NDUFAF6: variants seen among roughly 807,000 people sequenced by gnomAD.
NDUFAF6 encodes the protein NADH:ubiquinone oxidoreductase complex assembly factor 6.
A neutral mutation model predicts 40.8 loss-of-function variants in NDUFAF6; 45 were observed. That is an observed-to-expected ratio of 1.10 (90% confidence interval 0.87 to 1.42). NDUFAF6 has a LOEUF of 1.42. Ranked by LOEUF, NDUFAF6 falls within the 40% of genes most tolerant of loss-of-function variation. The pLI, the probability that NDUFAF6 is intolerant of heterozygous loss-of-function variation, is 0.00. For synonymous variants in NDUFAF6, 185 were observed against 155.9 expected, an observed-to-expected ratio of 1.19 and a Z score of -1.39; for missense variants, 435 against 418.5, an observed-to-expected ratio of 1.04 and a Z score of -0.34.
chr8:95,005,552 T>TAA (rs869215515), intron 2 of NDUFAF6, among the ~76,000 whole-genome samples: 1 of 112,204 alleles, frequency 8.9e-6, no homozygotes, highest in African/African-American at 3.2e-5. Context: ...TATATATATA[T>TAA]AAAAAATATA....
intron 2 of NDUFAF6, among the ~76,000 whole-genome samples, chr8:94,948,483 A>G (rs1822213914): frequency 6.6e-6 from 1 of 152,236 alleles, no homozygotes; most frequent in Non-Finnish European, 1.5e-5. Context: ...AAAGTCAGGT[A>G]GCGAAGACTG....
chr8:94,899,056 AG>A (rs564273679), intron 1 of NDUFAF6, among the ~76,000 whole-genome samples: 207 of 152,334 alleles, frequency 1.4e-3, no homozygotes, highest in African/African-American at 4.8e-3. Context: ...ACATACATAA[AG>A]GAAAAAAAAT....
chr8:95,077,457 G>A (rs926035376), downstream of NDUFAF6, among the ~76,000 whole-genome samples: 1 of 152,192 alleles, frequency 6.6e-6, no homozygotes, highest in Non-Finnish European at 1.5e-5. Context: ...AAGTGACTAA[G>A]GGATAGGAAC....
chr8:94,928,107 A>G (rs1820058680), intron 1 of NDUFAF6: 1 of 152,246 alleles, frequency 6.6e-6, no homozygotes, highest in Non-Finnish European at 1.5e-5. Context: ...CAGAAACCAC[A>G]GTATGATATT....
chr8:94,988,906 T>C (rs1431003440), intron 2 of NDUFAF6: 1 of 152,248 alleles, frequency 6.6e-6, no homozygotes, highest in African/African-American at 2.4e-5. Context: ...TTAAAGACAT[T>C]ATGCTAAGTG....
chr8:94,949,699 A>C (rs1822398730), intron 2 of NDUFAF6, among the ~76,000 whole-genome samples: 1 of 152,080 alleles, frequency 6.6e-6, no homozygotes, highest in Non-Finnish European at 1.5e-5. Flanking sequence ...CGGGCGAGGA[A>C]GAACCGGCGG....
intron 3 of NDUFAF6, among the ~76,000 whole-genome samples, chr8:95,037,017 A>G (rs1563813137): frequency 6.6e-6 from 1 of 152,208 alleles, no homozygotes; most frequent in Non-Finnish European, 1.5e-5. Context: ...AGGAGATTAA[A>G]TAGAGGGAAC....
At chr8:94,930,664 T>C in intron 1 of NDUFAF6, 1 of 1,614,228 alleles carries the variant, frequency 6.2e-7, no homozygotes, top group Non-Finnish European at 8.5e-7. Context: ...AGAAAAGTTG[T>C]ATGAGCAGCA....
chr8:95,039,852 A>G (rs1050748614), intron 3 of NDUFAF6, among the ~76,000 whole-genome samples: 1 of 151,770 alleles, frequency 6.6e-6, no homozygotes, highest in African/African-American at 2.4e-5. Context: ...GAACTCCTGA[A>G]CTCCTGAACT....
Position 95,090,600 on chromosome 8 carries a change from G to A in NDUFAF6, n.214-10532G>A, listed in dbSNP as rs149855005. Among the ~76,000 whole-genome samples, 1,168 of 152,210 alleles carry A rather than the reference G, an allele frequency of 7.7e-3. 8 individuals carry two copies. Among genetic ancestry groups the A allele is most frequent in the Admixed American group, 0.013 (192 of 15,264 alleles). On this transcript the variant is annotated intron_variant and non_coding_transcript_variant, in intron 2 of 5. Transcript: ENST00000523184. ...TGTCTTCTCCCCGCCGTTTCTTACT[G>A]TCCCATCTTGTTGATTGTTTAATAC...
chr8:95,091,621 A>C (rs1195680485), intron 2 of NDUFAF6, among the ~76,000 whole-genome samples: 1 of 151,630 alleles, frequency 6.6e-6, no homozygotes. Flanking sequence ...CAAGCAGAAG[A>C]AAATAACTCA....
intron 5 of NDUFAF6, 114 bp downstream of exon 5, chr8:95,045,761 A>G (rs566450770): frequency 5.3e-6 from 4 of 754,952 alleles, no homozygotes; most frequent in Admixed American, 5.2e-5. Flanking sequence ...CCTTTATACT[A>G]TCTGTAAAGG....
At chr8:95,078,603 G>A (rs910103195), downstream of NDUFAF6, 4 of 150,092 alleles carry the variant, frequency 2.7e-5, no homozygotes, top group African/African-American at 9.9e-5. Flanking sequence ...CTGTGATTGT[G>A]CCACTGCATT....
At chr8:94,907,147 C>T (rs775220822) in intron 1 of NDUFAF6, among the ~76,000 whole-genome samples, 15 of 151,722 alleles carry the variant, frequency 9.9e-5, no homozygotes, top group Non-Finnish European at 1.8e-4. Flanking sequence ...TCTTTCTCTC[C>T]TGCGGTTACT....
At chr8:95,036,590 C>G in intron 3 of NDUFAF6, 1 of 1,027,868 alleles carries the variant, frequency 9.7e-7, no homozygotes, top group Non-Finnish European at 1.3e-6. Context: ...TCCAGAAACC[C>G]TTTCTATTTA....
chr8:95,016,529 G>T (rs1827455195), intron 2 of NDUFAF6, among the ~76,000 whole-genome samples: 1 of 152,188 alleles, frequency 6.6e-6, no homozygotes. Flanking sequence ...CGGATCATGA[G>T]GTCAAGAGAT....
At chr8:95,006,668 C>T (rs1477255184) in intron 2 of NDUFAF6, among the ~76,000 whole-genome samples, 1 of 151,980 alleles carries the variant, frequency 6.6e-6, no homozygotes. Flanking sequence ...ATCGCTTGAG[C>T]TTAAGAGTTC....
intron 1 of NDUFAF6, among the ~76,000 whole-genome samples, chr8:94,904,320 C>CTCTTTTTTTTTTTTT (rs1818238227): frequency 2.9e-5 from 1 of 34,134 alleles, no homozygotes; most frequent in Non-Finnish European, 5.0e-5. Flanking sequence ...ATTTTTTTTG[C>CTCTTTTTTTTTTTTT]TTTTTTTTTT....
At chr8:94,972,177 C>A (rs1035544759) in intron 1 of NDUFAF6, among the ~76,000 whole-genome samples, 1 of 152,158 alleles carries the variant, frequency 6.6e-6, no homozygotes, top group Non-Finnish European at 1.5e-5. Context: ...CCAGGTTATT[C>A]TTTAACTGTT....
Sources: allele counts gnomAD v4.1 joint callset (sites outside exome capture counted in the v4.1 genomes callset), GRCh38; gene constraint gnomAD v4.1.1; transcripts MANE v1.5; gene names NCBI Gene and HGNC (gene_info 2026-07-23, HGNC 2026-07-21).